The following HEG1 variants were observed in gnomAD, a reference collection of about 807,000 sequenced individuals.
The protein encoded by HEG1 is heart development protein with EGF like domains 1.
In HEG1, 56 loss-of-function variants were observed where a neutral mutation model predicts 125.6. The ratio of observed to expected loss-of-function variants is 0.45; its 90% CI spans 0.36 to 0.56. The LOEUF (loss-of-function observed/expected upper bound fraction) is 0.56. Among genes scored for constraint, HEG1 ranks in the 20% least tolerant of loss-of-function variants. The pLI is 0.00. For synonymous variants in HEG1, 644 were observed against 668.5 expected (o/e 0.96, Z 0.57); for missense variants, 1,523 against 1,670.0 (o/e 0.91, Z 1.53).
intron 1 of HEG1, among the ~76,000 whole-genome samples, chr3:125,038,276 C>G (rs551013181): frequency 8.3e-4 from 126 of 152,296 alleles, no homozygotes; most frequent in African/African-American, 3.0e-3. Flanking sequence ...TCCACGACAC[C>G]TCTCCTAGGA....
chr3:125,025,026 G>A (rs1393047475), intron 3 of HEG1, among the ~76,000 whole-genome samples: 1 of 152,196 alleles, frequency 6.6e-6, no homozygotes, highest in Non-Finnish European at 1.5e-5. Context: ...TTCCAGAGCT[G>A]GCCAGCCAGG....
intron 2 of HEG1, among the ~76,000 whole-genome samples, chr3:125,028,425 G>A (rs1206390459): frequency 6.6e-6 from 1 of 152,136 alleles, no homozygotes; most frequent in African/African-American, 2.4e-5. Context: ...AAGGGAGCCT[G>A]CTGGCCTTAC....
chr3:125,033,017 C>G (rs1937514962), intron 1 of HEG1, among the ~76,000 whole-genome samples: 1 of 152,132 alleles, frequency 6.6e-6, no homozygotes, highest in African/African-American at 2.4e-5. Flanking sequence ...GACCTGCGCT[C>G]TCTTCCTAGA....
chr3:125,009,161 C>T (rs866302238), intron 8 of HEG1, among the ~76,000 whole-genome samples: 3 of 152,326 alleles, frequency 2.0e-5, no homozygotes, highest in Non-Finnish European at 4.4e-5. Context: ...ACAGTTAGGA[C>T]AGCAGCTTTC....
chr3:125,051,991 G>A (rs956806516), intron 1 of HEG1, among the ~76,000 whole-genome samples: 1 of 152,116 alleles, frequency 6.6e-6, no homozygotes, highest in African/African-American at 2.4e-5. Flanking sequence ...GTCTCCCTCA[G>A]TCCACACCAT....
At chr3:124,998,232 C>T (rs755513942) in intron 11 of HEG1, among the ~76,000 whole-genome samples, 6 of 152,108 alleles carry the variant, frequency 3.9e-5, no homozygotes, top group Non-Finnish European at 7.3e-5. Flanking sequence ...CTTAGGAAGC[C>T]GAGACTTGGA....
chr3:125,041,337 G>A (rs1342537107), intron 1 of HEG1, among the ~76,000 whole-genome samples: 1 of 152,078 alleles, frequency 6.6e-6, no homozygotes, highest in Admixed American at 6.5e-5. Context: ...AGGTCCAAGA[G>A]GTATAGTAAC....
In HEG1 at chr3:125,013,894, G is replaced by A. The variant is rs1217068151; in HGVS notation, c.1685C>T (p.Thr562Ile). Residue 562 changes from threonine to isoleucine, a missense_variant, in exon 6 of 17, where the codon ACC becomes ATC. Physicochemically the swap from Thr to Ile is moderately conservative, Grantham distance 89. Transcript: ENST00000311127. ...GGACAGTAACGCCCGTTCTCCTTTG[G>A]TGAAAGTAGATGACAGGTAGGTGTG... ...TDHTYLSSTF[T>I]KGERALLSIT... 3 of 1,613,728 alleles carry A rather than the reference G, an allele frequency of 1.9e-6. No individual in the cohort carries two copies. In the Admixed American group the frequency reaches 5.0e-5, roughly 27 times the overall value.
intron 12 of HEG1, among the ~76,000 whole-genome samples, chr3:124,997,389 T>C (rs1195715205): frequency 2.0e-5 from 3 of 152,072 alleles, no homozygotes; most frequent in African/African-American, 7.2e-5. Flanking sequence ...ATTAAAACAA[T>C]AATTTTTCTA....
chr3:125,024,216 T>C (rs1463067595), intron 3 of HEG1, among the ~76,000 whole-genome samples: 1 of 152,234 alleles, frequency 6.6e-6, no homozygotes, highest in South Asian at 2.1e-4. Flanking sequence ...GCATTTTCCA[T>C]TATGATTCTC....
In HEG1 at chr3:125,019,494, T is replaced by A. The variant is rs1364065109; in HGVS notation, c.1356A>T (p.Gly452=). 2.5e-6 allele frequency: 4 copies of A among 1,613,884 alleles called. No individual in the cohort carries two copies. In the African/African-American group the frequency reaches 5.3e-5, roughly 22 times the overall value. Residue 452 remains glycine (G), a synonymous_variant, in exon 5 of 17, where the codon GGA becomes GGT. Transcript: ENST00000311127. ...VSRSVAPMRG[G]EITAHWLLTN... is the part of the protein sequence containing the mutation. ...TCAAGAGCCAGTGTGCAGTGATCTC[T>A]CCACCTCTCATGGGTGCGACTGACC...
chr3:124,973,232 A>G (rs571998948), intron 16 of HEG1, among the ~76,000 whole-genome samples: 1 of 152,112 alleles, frequency 6.6e-6, no homozygotes, highest in East Asian at 1.9e-4. Flanking sequence ...ACATGATTTC[A>G]CCATGTTGCC....
At chr3:124,976,759 G>A (rs1331672848) in intron 15 of HEG1, among the ~76,000 whole-genome samples, 1 of 152,042 alleles carries the variant, frequency 6.6e-6, no homozygotes, top group Non-Finnish European at 1.5e-5. Flanking sequence ...GGGAAAGCTG[G>A]TTGTTCAAAA....
chr3:124,985,908 G>C (rs1422114390), intron 14 of HEG1, among the ~76,000 whole-genome samples: 1 of 152,214 alleles, frequency 6.6e-6, no homozygotes, highest in Admixed American at 6.5e-5. Context: ...CTCCCGCGTA[G>C]CTGGGATTAC....
At chr3:124,972,555 G>A (rs1412784723) in intron 16 of HEG1, among the ~76,000 whole-genome samples, 1 of 152,078 alleles carries the variant, frequency 6.6e-6, no homozygotes, top group East Asian at 1.9e-4. Flanking sequence ...GCATCCCCAT[G>A]GTCAATTGCC....
In HEG1 at chr3:124,977,900, G is replaced by A. The variant is rs746144499; in HGVS notation, c.3780C>T (p.Leu1260=). 23 of 1,580,920 alleles carry A rather than the reference G, an allele frequency of 1.5e-5. No homozygotes were observed. The East Asian group carries it at 3.0e-4, about 21-fold the overall frequency. ...TCAGTGCGATGCCTAGGATGAGCAG[G>A]AGCCCACCTCCCGCGGCTGCGATCA... ...TVVIAAAGGG[L]LLILGIALIV... is the part of the protein sequence containing the mutation. Residue 1260 remains leucine, a synonymous_variant, in exon 15 of 17, where the codon CTC becomes CTT. Coordinates refer to ENST00000311127, the MANE Select transcript of HEG1 (RefSeq NM_020733.2).
At chr3:125,023,117 C>T (rs1290811132) in intron 3 of HEG1, among the ~76,000 whole-genome samples, 1 of 152,136 alleles carries the variant, frequency 6.6e-6, no homozygotes, top group Non-Finnish European at 1.5e-5. Flanking sequence ...TTGCTTGAAC[C>T]TGGGAGGTGG....
chr3:125,019,244 T>A lies in HEG1; in HGVS notation c.1588+18A>T, dbSNP rs773118941. The stretch of plus-strand genomic sequence containing the variant: ...CTCTCCTCTATGGGGCACAGTTGCA[T>A]GAAATGGAAAAACTCACTCGAACGT... On this transcript the variant is annotated intron_variant, in intron 5 of 16. Transcript: ENST00000311127. The A allele has an allele frequency of 1.9e-6, 3 of 1,592,780 alleles. No individual in the cohort carries two copies. Among genetic ancestry groups the A allele is most frequent in the Non-Finnish European group, 2.6e-6 (3 of 1,161,744 alleles).
At chr3:125,008,111 T>C (rs1937098801) in intron 8 of HEG1, among the ~76,000 whole-genome samples, 1 of 152,100 alleles carries the variant, frequency 6.6e-6, no homozygotes, top group African/African-American at 2.4e-5. Flanking sequence ...GGTTTGACCA[T>C]GTGGACCAGG....
Sources: gnomAD v4.1 joint callset for allele counts (sites outside exome capture counted in the v4.1 genomes callset) on GRCh38, gnomAD v4.1.1 for gene constraint, MANE v1.5 for transcripts, NCBI Gene and HGNC (gene_info 2026-07-23, HGNC 2026-07-21) for gene names.